Variants in BRME1 observed in about 807,000 individuals in gnomAD.
The protein encoded by BRME1 is BRCA2 and MEILB2-associating protein 1.
A neutral mutation model predicts 52.6 loss-of-function variants in BRME1; 31 were observed. That is an observed-to-expected ratio of 0.59 (90% confidence interval 0.44 to 0.80). BRME1 has a LOEUF of 0.80. Ranked by LOEUF, BRME1 falls within the 30% of genes least tolerant of loss-of-function variation. BRME1 has a pLI of 0.00. For missense variants in BRME1, 804 were observed against 860.3 expected (o/e 0.93, Z 0.82); for synonymous variants, 359 against 353.6 (o/e 1.02, Z -0.17).
At chr19:13,893,368 T>C in intron 3 of BRME1, 145 bp from the exon 4 acceptor site, 3 of 674,576 alleles carry the variant, frequency 4.4e-6, no homozygotes. Flanking sequence ...TGAAACCGTA[T>C]CTCTACTAAA....
intron 2 of BRME1, among the ~76,000 whole-genome samples, chr19:13,899,010 C>A (rs1295292361): frequency 1.3e-5 from 2 of 151,598 alleles, no homozygotes; most frequent in Non-Finnish European, 2.9e-5. Context: ...CACACTTACA[C>A]ATCGTGAAGT....
rs1159700473 is a variant in BRME1, at chr19:13,902,463, A to G, written c.31+2399T>C. 4.6e-5 allele frequency among the ~76,000 whole-genome samples: 7 copies of G among 151,868 alleles called. No homozygotes were observed. The East Asian group carries it at 1.2e-3, about 25-fold the overall frequency. Reference sequence around the variant, plus strand: ...AGCCTGACCAACATGGAGAAACCCCATCTCTACTAAAAATACAAAAAAATT... The same window carrying G: ...AGCCTGACCAACATGGAGAAACCCCGTCTCTACTAAAAATACAAAAAAATT... On this transcript the variant is annotated intron_variant, in intron 2 of 8. Transcript: ENST00000586783.
chr19:13,887,627 A>C (rs1199234969), intron 6 of BRME1, among the ~76,000 whole-genome samples: 1 of 152,214 alleles, frequency 6.6e-6, no homozygotes, highest in Non-Finnish European at 1.5e-5. Context: ...GAGGCAATGG[A>C]GGCGGCTCTT....
At position 13,891,135 on chromosome 19, in the gene BRME1, T is replaced by TTTTTTA. The variant is rs59151567; in HGVS notation, c.394-674_394-673insTAAAAA. Reference sequence around the variant, plus strand: ...AGACCACACCAATGTCAATTTCCTGTTTATTATTATTATTATTATTATTAT... The same window carrying TTTTTTA: ...AGACCACACCAATGTCAATTTCCTGTTTTTTATTATTATTATTATTATTATTATTAT... On this transcript the variant is annotated intron_variant, in intron 5 of 8. Coordinates refer to ENST00000586783, the MANE Select transcript of BRME1 (RefSeq NM_001345843.2). Among the ~76,000 whole-genome samples the TTTTTTA allele has an allele frequency of 1.2e-3, 179 of 146,662 alleles. 2 individuals are homozygous for TTTTTTA. Among genetic ancestry groups the TTTTTTA allele is most frequent in the African/African-American group, 2.4e-3 (92 of 38,824 alleles).
intron 2 of BRME1, among the ~76,000 whole-genome samples, chr19:13,899,541 A>C (rs1360531202): frequency 6.6e-6 from 1 of 152,056 alleles, no homozygotes; most frequent in African/African-American, 2.4e-5. Context: ...TCGCTGAGAG[A>C]AGCATTTTCC....
Position 13,889,334 on chromosome 19 carries a change from C to G in BRME1, c.1522G>C (p.Glu508Gln), listed in dbSNP as rs747839167. 4 of 1,614,150 alleles carry G rather than the reference C, an allele frequency of 2.5e-6. No homozygotes were observed. Among genetic ancestry groups the G allele is most frequent in the Non-Finnish European group, 2.5e-6 (3 of 1,180,024 alleles). The change falls in exon 6 of 9, where the codon GAG becomes CAG. Residue 508 changes from glutamate (E) to glutamine (Q), a missense_variant. Coordinates refer to ENST00000586783, the MANE Select transcript of BRME1 (RefSeq NM_001345843.2). ...AGGTGGTCTCGCTGCCCTGCCAGCT[C>G]TGAGGTGGTGTCTGGAATGCCCTGC... ...AQQGIPDTTS[E>Q]LAGQRDHLPH... is the part of the protein sequence containing the mutation.
intron 2 of BRME1, among the ~76,000 whole-genome samples, chr19:13,899,529 T>C (rs1285676084): frequency 6.6e-6 from 1 of 152,112 alleles, no homozygotes. Flanking sequence ...TTTGCTTAGC[T>C]CTCGCTGAGA....
chr19:13,890,810 TGAGCC>T (rs1278455746), intron 5 of BRME1, among the ~76,000 whole-genome samples: 1 of 152,034 alleles, frequency 6.6e-6, no homozygotes, highest in African/African-American at 2.4e-5. Flanking sequence ...GAGGTTGCAG[TGAGCC>T]GAGATAGGAC....
At chr19:13,894,044 G>A (rs1285422531) in intron 3 of BRME1, among the ~76,000 whole-genome samples, 1 of 152,144 alleles carries the variant, frequency 6.6e-6, no homozygotes, top group African/African-American at 2.4e-5. Context: ...CCCACCTGGA[G>A]AATACACTGC....
At chr19:13,904,789 T>C (rs1227159176) in intron 2 of BRME1, 73 bp downstream of exon 2, 3 of 1,487,624 alleles carry the variant, frequency 2.0e-6, no homozygotes, top group African/African-American at 1.4e-5. Flanking sequence ...TAGCCAGATC[T>C]GCAATAAACA....
chr19:13,896,529 C>T (rs544852688), intron 2 of BRME1, among the ~76,000 whole-genome samples: 1 of 145,224 alleles, frequency 6.9e-6, no homozygotes, highest in Non-Finnish European at 1.5e-5. Context: ...CATTATATTG[C>T]CAGGTTGTTC....
intron 2 of BRME1, among the ~76,000 whole-genome samples, chr19:13,897,973 C>T (rs1348336106): frequency 6.6e-6 from 1 of 151,734 alleles, no homozygotes; most frequent in Non-Finnish European, 1.5e-5. Flanking sequence ...GTGGTGGGCA[C>T]CTGTAATCCC....
At chr19:13,884,436 G>A (rs994473283) in intron 7 of BRME1, among the ~76,000 whole-genome samples, 1 of 151,784 alleles carries the variant, frequency 6.6e-6, no homozygotes, top group Non-Finnish European at 1.5e-5. Flanking sequence ...GACCAGCCTG[G>A]GCAACACGGC....
At chr19:13,892,539 G>C (rs1268976203) in intron 5 of BRME1, among the ~76,000 whole-genome samples, 1 of 152,166 alleles carries the variant, frequency 6.6e-6, no homozygotes, top group Non-Finnish European at 1.5e-5. Context: ...AGTGTGCCAA[G>C]ATGGCACCAT....
Position 13,889,858 on chromosome 19 carries a change from G to T in BRME1, c.998C>A (p.Ser333Tyr). ...GTCTGCGATGACAACCATCCCGAGG[G>T]AGGAGCATCCCAGGCTGCTATGAGT... ...EGTHSSLGCS[S>Y]LGMVVIADLS... Residue 333 changes from serine to tyrosine, a missense_variant, in exon 6 of 9, where the codon TCC becomes TAC. By Grantham distance (144) the Ser-to-Tyr change is moderately radical. Coordinates refer to ENST00000586783, the MANE Select transcript of BRME1 (RefSeq NM_001345843.2). The T allele has an allele frequency of 1.2e-6, 2 of 1,613,242 alleles. No individual in the cohort carries two copies. The highest frequency in any genetic ancestry group is 1.7e-6 in the Non-Finnish European group (2 of 1,179,988).
chr19:13,904,922 A>G lies in BRME1; in HGVS notation c.-21-9T>C. The G allele has an allele frequency of 6.2e-7, 1 of 1,606,634 alleles. No homozygotes were observed. Among genetic ancestry groups the G allele is most frequent in the African/African-American group, 1.3e-5 (1 of 74,660 alleles). On this transcript the variant is annotated splice_polypyrimidine_tract_variant and intron_variant, in intron 1 of 8. Coordinates refer to ENST00000586783, the MANE Select transcript of BRME1 (RefSeq NM_001345843.2). ...TCTTCCCCTTGAGAAATCTGAAAAC[A>G]AGCAAAATCTCTCATCATTATAAGC...
In BRME1 at chr19:13,889,766, T is replaced by C; in HGVS notation, c.1090A>G (p.Ser364Gly). ...LEVAGPDGQA[S>G]AISPASPRRK... ...CTGGGAGAGGCAGGTGATATGGCAC[T>C]GGCCTGCCCATCGGGCCCAGCCACC... Residue 364 changes from serine (S) to glycine (G), a missense_variant, in exon 6 of 9, where the codon AGT (serine) becomes GGT (glycine). Ser to Gly is a moderately conservative substitution (Grantham distance 56). Transcript: ENST00000586783. 6.2e-7 allele frequency: 1 copy of C among 1,611,470 alleles called. No individual in the cohort carries two copies. The highest frequency in any genetic ancestry group is 1.3e-5 in the African/African-American group (1 of 75,056).
chr19:13,901,600 G>A (rs1251802573), intron 2 of BRME1, among the ~76,000 whole-genome samples: 4 of 151,636 alleles, frequency 2.6e-5, no homozygotes, highest in African/African-American at 9.7e-5. Context: ...TCAGGAGGCT[G>A]AGGCATGAGC....
intron 5 of BRME1, among the ~76,000 whole-genome samples, chr19:13,891,099 A>G (rs1027261731): frequency 1.3e-5 from 2 of 151,610 alleles, no homozygotes; most frequent in African/African-American, 4.9e-5. Flanking sequence ...ATGAAAATCA[A>G]GGTGGCATTC....
Sources: allele counts gnomAD v4.1 joint callset (sites outside exome capture counted in the v4.1 genomes callset), GRCh38; gene constraint gnomAD v4.1.1; transcripts MANE v1.5; gene names NCBI Gene and HGNC (gene_info 2026-07-23, HGNC 2026-07-21).